Variants in PRKAA2 observed in about 807,000 individuals in gnomAD.
PRKAA2 encodes the protein 5'-AMP-activated protein kinase catalytic subunit alpha-2.
Under a neutral mutation model 56.3 loss-of-function variants are expected in PRKAA2, and 40 were observed. That is an observed-to-expected ratio of 0.71 (90% CI 0.55 to 0.92). The LOEUF is 0.92. Ranked by LOEUF, PRKAA2 falls within the 40% of genes least tolerant of loss-of-function variation. The pLI is 0.00. For missense variants in PRKAA2, 542 were observed against 686.9 expected (o/e 0.79, Z 2.36); for synonymous variants, 214 against 234.2 (o/e 0.91, Z 0.79).
intron 3 of PRKAA2, 58 bp from the exon 4 acceptor site, chr1:56,692,300 A>G: frequency 1.9e-6 from 3 of 1,603,348 alleles, no homozygotes; most frequent in Non-Finnish European, 2.6e-6. Flanking sequence ...GATTACAGGC[A>G]TGAGCCACTG....
In PRKAA2 at chr1:56,703,967, C is replaced by T. The variant is rs112086177; in HGVS notation, c.789-4C>T. ...ACAATAATGTATTGTGGTGTTTTTCCTAGAGAGCATGAATGGTTTAAACAA... is the reference window on the plus strand; with the variant it reads ...ACAATAATGTATTGTGGTGTTTTTCTTAGAGAGCATGAATGGTTTAAACAA... On this transcript the variant is annotated splice_polypyrimidine_tract_variant and splice_region_variant and intron_variant, in intron 6 of 8. Coordinates refer to ENST00000371244, the MANE Select transcript of PRKAA2 (RefSeq NM_006252.4). The T allele has an allele frequency of 3.2e-4, 513 of 1,593,470 alleles. 2 individuals carry two copies. The African/African-American group carries it at 6.1e-3, about 19-fold the overall frequency.
At chr1:56,692,639 C>G (rs766899086) in intron 4 of PRKAA2, 137 bp downstream of exon 4, 2 of 672,822 alleles carry the variant, frequency 3.0e-6, no homozygotes, top group Non-Finnish European at 4.3e-6. Context: ...TCCTCAGTAG[C>G]TTTTTTTTTT....
Position 56,697,012 on chromosome 1 carries a change from A to ATTTTTTTTTTTTTTTTTTTTTTTTTTTT in PRKAA2, c.788+868_788+869insTTTTTTTTTTTTTTTTTTTTTTTTTTTT, listed in dbSNP as rs752842791. Reference sequence around the variant, plus strand: ...CCTTTTCATCATTAGCCAGCAAAGAATTTTTTTTTTTTTTTAAGGCAGGGT... The same window carrying ATTTTTTTTTTTTTTTTTTTTTTTTTTTT: ...CCTTTTCATCATTAGCCAGCAAAGAATTTTTTTTTTTTTTTTTTTTTTTTTTTTTTTTTTTTTTTTTTTAAGGCAGGGT... On this transcript the variant is annotated intron_variant, in intron 6 of 8. Coordinates refer to ENST00000371244, the MANE Select transcript of PRKAA2 (RefSeq NM_006252.4). Among the ~76,000 whole-genome samples, 6 of 57,888 alleles carry ATTTTTTTTTTTTTTTTTTTTTTTTTTTT rather than the reference A, an allele frequency of 1.0e-4. 2 individuals are homozygous for ATTTTTTTTTTTTTTTTTTTTTTTTTTTT. Among genetic ancestry groups the ATTTTTTTTTTTTTTTTTTTTTTTTTTTT allele is most frequent in the South Asian group, 7.4e-4 (1 of 1,354 alleles). The allele number at this position is 57,888 out of a possible 152,430, so 38.0% of individuals were successfully genotyped here. A position where few individuals can be genotyped will look rare whatever the true frequency, so the allele number is the denominator to read the frequency against.
At chr1:56,690,483 T>G (rs1234718056) in intron 2 of PRKAA2, among the ~76,000 whole-genome samples, 1 of 152,098 alleles carries the variant, frequency 6.6e-6, no homozygotes, top group African/African-American at 2.4e-5. Flanking sequence ...ACATCTTAAT[T>G]AAAATAATTA....
At chr1:56,664,444 T>A (rs969936050) in intron 1 of PRKAA2, among the ~76,000 whole-genome samples, 86 of 150,016 alleles carry the variant, frequency 5.7e-4, no homozygotes, top group Non-Finnish European at 7.5e-4. Flanking sequence ...TTGAATTTTT[T>A]AAATATTTTT....
At chr1:56,665,931 T>C (rs189327533) in intron 1 of PRKAA2, among the ~76,000 whole-genome samples, 14 of 152,340 alleles carry the variant, frequency 9.2e-5, no homozygotes, top group African/African-American at 1.4e-4. Context: ...ATGGTTATTA[T>C]TTTTTCTTCT....
At chr1:56,674,289 A>G in intron 1 of PRKAA2, 92 bp from the exon 2 acceptor site, 1 of 1,089,796 alleles carries the variant, frequency 9.2e-7, no homozygotes, top group African/African-American at 1.6e-5. Context: ...GGTATATATG[A>G]GTAGAGAAGT....
Position 56,693,766 on chromosome 1 carries a change from A to T in PRKAA2, c.477A>T (p.Gly159=), listed in dbSNP as rs1197456016. 1 of 1,560,402 alleles carries T rather than the reference A, an allele frequency of 6.4e-7. No individual in the cohort carries two copies. Among genetic ancestry groups the T allele is most frequent in the Non-Finnish European group, 8.8e-7 (1 of 1,142,488 alleles). ...AGTAAACATTACTTTTATTTTTAGGATTATCTAATATGATGTCAGATGGTG... is the reference window on the plus strand; with the variant it reads ...AGTAAACATTACTTTTATTTTTAGGTTTATCTAATATGATGTCAGATGGTG... ...AHMNAKIADF[G]LSNMMSDGEF... is the part of the protein sequence containing the mutation. The change falls in exon 5 of 9, where the codon GGA becomes GGT. Residue 159 remains glycine (G), a splice_region_variant and synonymous_variant. Coordinates refer to ENST00000371244, the MANE Select transcript of PRKAA2 (RefSeq NM_006252.4).
In PRKAA2 at chr1:56,691,394, A is replaced by G. The variant is rs778654847; in HGVS notation, c.237A>G (p.Leu79=). 1 of 1,607,884 alleles carries G rather than the reference A, an allele frequency of 6.2e-7. No individual in the cohort carries two copies. Among genetic ancestry groups the G allele is most frequent in the East Asian group, 2.2e-5 (1 of 44,680 alleles). ...TAACTTTTTTTAATTAACAAAAAAGATACCAGGTGATCAGCACTCCAACAG... is the reference window on the plus strand; with the variant it reads ...TAACTTTTTTTAATTAACAAAAAAGGTACCAGGTGATCAGCACTCCAACAG... ...KLFRHPHIIK[L]YQVISTPTDF... is the part of the protein sequence containing the mutation. Residue 79 remains leucine, a splice_region_variant and synonymous_variant, in exon 3 of 9, where the codon CTA becomes CTG. Transcript: ENST00000371244.
rs10606990 is a variant in PRKAA2, at chr1:56,683,071, ATTTTTTTTTTTTTTT to A, written c.237-8306_237-8292del. On this transcript the variant is annotated intron_variant, in intron 2 of 8. Transcript: ENST00000371244. ...TTAGATAAGGAGGAGAAAGAAAGGA[ATTTTTTTTTTTTTTT>A]TTTTTTTTTTTTTTTTGCTTAAGCA... is the stretch of plus-strand genomic sequence containing the variant. Among the ~76,000 whole-genome samples, 892 of 87,250 alleles carry A rather than the reference ATTTTTTTTTTTTTTT, an allele frequency of 0.01. 36 individuals are homozygous for A. The East Asian group carries it at 0.16, about 16-fold the overall frequency. 57.2% of individuals were successfully genotyped at this position (87,250 alleles called of 152,430 possible).
Position 56,706,080 on chromosome 1 carries a change from T to G in PRKAA2, c.1294-12T>G. 1 of 1,588,554 alleles carries G rather than the reference T, an allele frequency of 6.3e-7. No homozygotes were observed. Among genetic ancestry groups the G allele is most frequent in the Non-Finnish European group, 8.6e-7 (1 of 1,167,070 alleles). On this transcript the variant is annotated splice_polypyrimidine_tract_variant and intron_variant, in intron 7 of 8. Transcript: ENST00000371244. ...TTTGTAGTTTATTATTTTTATTGATTTTTCACTTTAGGTAGTGAATGCATA... is the reference window on the plus strand; with the variant it reads ...TTTGTAGTTTATTATTTTTATTGATGTTTCACTTTAGGTAGTGAATGCATA...
In PRKAA2 at chr1:56,692,529, A is replaced by G. The variant is rs1240733238; in HGVS notation, c.475+27A>G. ...TATGTAACTCCAGGGTTGTTCAGAA[A>G]GGTACTAGCTACCTTTTAAAGCATA... On this transcript the variant is annotated intron_variant, in intron 4 of 8. Transcript: ENST00000371244. The G allele has an allele frequency of 2.5e-6, 4 of 1,608,114 alleles. No individual in the cohort carries two copies. The South Asian group carries it at 3.3e-5, about 13-fold the overall frequency.
chr1:56,690,461 G>A lies in PRKAA2; in HGVS notation c.237-933G>A, dbSNP rs189123903. ...TGGGATTACAGGCGTGAGCCACCACGCCCGGCCTATCACATCTTAATTAAA... is the reference window on the plus strand; with the variant it reads ...TGGGATTACAGGCGTGAGCCACCACACCCGGCCTATCACATCTTAATTAAA... On this transcript the variant is annotated intron_variant, in intron 2 of 8. Coordinates refer to ENST00000371244, the MANE Select transcript of PRKAA2 (RefSeq NM_006252.4). Among the ~76,000 whole-genome samples the A allele has an allele frequency of 5.1e-4, 78 of 152,234 alleles. No homozygotes were observed. The East Asian group carries it at 0.014, about 28-fold the overall frequency.
intron 2 of PRKAA2, among the ~76,000 whole-genome samples, chr1:56,678,590 A>G (rs1644130581): frequency 6.6e-6 from 1 of 152,150 alleles, no homozygotes; most frequent in African/African-American, 2.4e-5. Flanking sequence ...AATTTGTTGA[A>G]TTGATTTTTG....
At position 56,714,648 on chromosome 1, in the gene PRKAA2, A is replaced by G. The variant is rs1457604150; in HGVS notation, c.*6935A>G. 1 of 152,150 alleles carries G rather than the reference A, an allele frequency of 6.6e-6. No individual in the cohort carries two copies. The allele number at this position is 152,150 out of a possible 1,614,324, so 9.4% of individuals were successfully genotyped here. A position where few individuals can be genotyped will look rare whatever the true frequency, so the allele number is the denominator to read the frequency against. ...ATACAGCTCTCAAGACTGTTCACAA[A>G]TATCTGTGGTTGTACAATGTTTTGA... On this transcript the variant is annotated 3_prime_UTR_variant, in exon 9 of 9. Coordinates refer to ENST00000371244, the MANE Select transcript of PRKAA2 (RefSeq NM_006252.4).
At chr1:56,648,378 A>G (rs113914704) in intron 1 of PRKAA2, among the ~76,000 whole-genome samples, 3 of 152,350 alleles carry the variant, frequency 2.0e-5, no homozygotes, top group African/African-American at 4.8e-5. Flanking sequence ...ATGACATAGC[A>G]TGTGCCATTA....
rs910866871 is a variant in PRKAA2 at position 56,698,208 on chromosome 1, C to T, written c.788+2049C>T. ...CTAGGATTACAGGCATAAGCCACCA[C>T]GCCTGGCCAATGTTTGGGAATTCTT... On this transcript the variant is annotated intron_variant, in intron 6 of 8. Transcript: ENST00000371244. 4.6e-5 allele frequency among the ~76,000 whole-genome samples: 7 copies of T among 151,604 alleles called. No homozygotes were observed. The Middle Eastern group carries it at 0.01, about 223-fold the overall frequency.
In PRKAA2 at chr1:56,683,454, C is replaced by G. The variant is rs746223945; in HGVS notation, c.237-7940C>G. ...CAAACAGTCTGGTTTGTTTGGTGCA[C>G]AGAGTATGTATAGGGAAGTGGAAAA... is the stretch of plus-strand genomic sequence containing the variant. On this transcript the variant is annotated intron_variant, in intron 2 of 8. Coordinates refer to ENST00000371244, the MANE Select transcript of PRKAA2 (RefSeq NM_006252.4). 9.5e-4 allele frequency among the ~76,000 whole-genome samples: 145 copies of G among 151,928 alleles called. 3 individuals are homozygous for G. Among genetic ancestry groups the G allele is most frequent in the Non-Finnish European group, 4.0e-4 (27 of 67,992 alleles).
At chr1:56,677,808 C>T (rs1644124183) in intron 2 of PRKAA2, among the ~76,000 whole-genome samples, 1 of 152,004 alleles carries the variant, frequency 6.6e-6, no homozygotes, top group Non-Finnish European at 1.5e-5. Flanking sequence ...AGGCATGTGC[C>T]ACCACACCCT....
Sources: allele counts gnomAD v4.1 joint callset (sites outside exome capture counted in the v4.1 genomes callset), GRCh38; gene constraint gnomAD v4.1.1; transcripts MANE v1.5; gene names NCBI Gene and HGNC (gene_info 2026-07-23, HGNC 2026-07-21).